ADGRG7: variants seen among roughly 807,000 people sequenced by gnomAD.
ADGRG7 encodes adhesion G protein-coupled receptor G7.
ADGRG7 carries 82 observed loss-of-function variants against 88.6 expected under a neutral mutation model. The ratio of observed to expected loss-of-function variants is 0.93; its 90% CI spans 0.77 to 1.11. ADGRG7 has a LOEUF of 1.11. ADGRG7 is among the 50% of genes most tolerant of loss of function. The pLI is 0.00. For missense variants in ADGRG7, 945 were observed against 953.4 expected, an observed-to-expected ratio of 0.99 and a Z score of 0.12; for synonymous variants, 381 against 345.2, an observed-to-expected ratio of 1.10 and a Z score of -1.15.
At position 100,634,319 on chromosome 3, in the gene ADGRG7, AT is replaced by A. The variant is rs907255864; in HGVS notation, c.447+944del. On this transcript the variant is annotated intron_variant, in intron 4 of 15. Transcript: ENST00000273352. ...ATAAAACTTCTGTGAGTTGAATGTT[AT>A]TCCCATATTATAAATAATTATAGCC... Among the ~76,000 whole-genome samples, 37 of 152,222 alleles carry A rather than the reference AT, an allele frequency of 2.4e-4. 2 individuals carry two copies. The highest frequency in any genetic ancestry group is 1.5e-5 in the Non-Finnish European group (1 of 68,042).
chr3:100,619,089 G>T (rs1707269319), intron 1 of ADGRG7, among the ~76,000 whole-genome samples: 1 of 152,118 alleles, frequency 6.6e-6, no homozygotes, highest in Non-Finnish European at 1.5e-5. Flanking sequence ...CTTTGGTGAA[G>T]TTGCCTGTCA....
rs568628872 is a variant in ADGRG7, at chr3:100,648,705, T to G, written c.1267-990T>G. Among the ~76,000 whole-genome samples the G allele has an allele frequency of 9.8e-4, 150 of 152,296 alleles. 1 individual carries two copies. The highest frequency in any genetic ancestry group is 3.3e-3 in the African/African-American group (138 of 41,576). On this transcript the variant is annotated intron_variant, in intron 10 of 15. Transcript: ENST00000273352. ...AGGTATGGTGTGGGGTAGCAGGCAG[T>G]ATAAAGGAACATATGCTTCTTTATT...
intron 15 of ADGRG7, among the ~76,000 whole-genome samples, chr3:100,690,649 C>T (rs2094991675): frequency 6.6e-6 from 1 of 152,164 alleles, no homozygotes; most frequent in African/African-American, 2.4e-5. Flanking sequence ...ACCCTGTTTG[C>T]CTGGGTATCA....
At chr3:100,689,264 T>C (rs1156356066) in intron 15 of ADGRG7, among the ~76,000 whole-genome samples, 1 of 152,216 alleles carries the variant, frequency 6.6e-6, no homozygotes, top group South Asian at 2.1e-4. Flanking sequence ...TTTGAGCCTA[T>C]GTGTGTCTCT....
intron 8 of ADGRG7, among the ~76,000 whole-genome samples, chr3:100,644,733 A>G (rs1194677664): frequency 6.6e-6 from 1 of 151,902 alleles, no homozygotes; most frequent in South Asian, 2.1e-4. Context: ...ATCTCGCTAT[A>G]TTGCTCAGCC....
intron 11 of ADGRG7, among the ~76,000 whole-genome samples, chr3:100,651,244 T>C (rs1407050233): frequency 6.6e-6 from 1 of 151,978 alleles, no homozygotes; most frequent in Non-Finnish European, 1.5e-5. Flanking sequence ...AGGCAGACAT[T>C]ATAAAAATAT....
chr3:100,626,612 C>A (rs973688732), intron 1 of ADGRG7, among the ~76,000 whole-genome samples: 5 of 152,066 alleles, frequency 3.3e-5, no homozygotes, highest in Non-Finnish European at 7.3e-5. Context: ...TGGTGAAACC[C>A]CATCTCTACT....
chr3:100,646,039 T>C lies in ADGRG7; in HGVS notation c.1041T>C (p.Ile347=), dbSNP rs776297145. The C allele has an allele frequency of 5.9e-5, 96 of 1,613,946 alleles. 1 individual carries two copies. The South Asian group carries it at 9.3e-4, about 16-fold the overall frequency. ...CTAAATCGGATTTTAGTCAAAAAAT[T>C]ATCTCAAGCAAAACTGATGAAAATG... ...FTAKSDFSQK[I]ISSKTDENEQ... Residue 347 remains isoleucine, a synonymous_variant, in exon 9 of 16, where the codon ATT becomes ATC. Coordinates refer to ENST00000273352, the MANE Select transcript of ADGRG7 (RefSeq NM_032787.3).
chr3:100,686,160 G>A (rs1219983831), intron 15 of ADGRG7, among the ~76,000 whole-genome samples: 1 of 151,764 alleles, frequency 6.6e-6, no homozygotes, highest in African/African-American at 2.4e-5. Context: ...TTTTTTGGCT[G>A]CATAAATGTC....
intron 15 of ADGRG7, 81 bp downstream of exon 15, chr3:100,669,186 A>G (rs550842698): frequency 1.7e-6 from 2 of 1,206,682 alleles, no homozygotes; most frequent in East Asian, 2.8e-5. Context: ...CCTTTAAGAG[A>G]CTATTTTAAA....
rs116232896 is a variant in ADGRG7 at position 100,655,922 on chromosome 3, A to G, written c.1750A>G (p.Ile584Val). The change falls in exon 13 of 16, where the codon ATA becomes GTA. Residue 584 changes from isoleucine (I) to valine (V), a missense_variant. Transcript: ENST00000273352. ...GWGVPAIVVAITVGVIYSQNG... is the reference protein window; with the variant it reads ...GWGVPAIVVAVTVGVIYSQNG... ...AGGAGTCCCAGCTATAGTAGTGGCT[A>G]TAACAGTGGGAGTTATTTATTCTCA... 2.5e-6 allele frequency: 4 copies of G among 1,603,774 alleles called. No individual in the cohort carries two copies. The highest frequency in any genetic ancestry group is 2.2e-5 in the East Asian group (1 of 44,750).
At chr3:100,621,987 C>T (rs1458053991) in intron 1 of ADGRG7, among the ~76,000 whole-genome samples, 1 of 152,150 alleles carries the variant, frequency 6.6e-6, no homozygotes, top group African/African-American at 2.4e-5. Flanking sequence ...TCATAACGAG[C>T]GTGCAACCTA....
intron 1 of ADGRG7, among the ~76,000 whole-genome samples, chr3:100,623,945 T>G (rs113155522): frequency 0.044 from 6,653 of 152,296 alleles, 205 homozygotes; most frequent in South Asian, 0.073. Flanking sequence ...TTATCCAGTC[T>G]ATCATTGATG....
intron 1 of ADGRG7, among the ~76,000 whole-genome samples, chr3:100,625,888 C>A (rs902115401): frequency 6.6e-6 from 1 of 152,166 alleles, no homozygotes; most frequent in Non-Finnish European, 1.5e-5. Context: ...CCAACTTGAT[C>A]GTGGTGGATA....
At chr3:100,694,705 C>A in intron 15 of ADGRG7, 39 bp from the exon 16 acceptor site, 2 of 1,591,192 alleles carry the variant, frequency 1.3e-6, no homozygotes, top group East Asian at 4.5e-5. Flanking sequence ...TACTGTATCT[C>A]AGCACTTACC....
chr3:100,612,855 G>C (rs564166370), intron 1 of ADGRG7, among the ~76,000 whole-genome samples: 1 of 152,118 alleles, frequency 6.6e-6, no homozygotes, highest in South Asian at 2.1e-4. Context: ...CAAACCCCAA[G>C]GTCTGACTTC....
intron 15 of ADGRG7, among the ~76,000 whole-genome samples, chr3:100,690,871 G>A (rs1171662969): frequency 6.6e-6 from 1 of 152,196 alleles, no homozygotes; most frequent in Non-Finnish European, 1.5e-5. Context: ...TGTGTGCTGG[G>A]AGAACCACTA....
chr3:100,645,328 C>T (rs1047936369), intron 8 of ADGRG7, among the ~76,000 whole-genome samples: 1 of 152,146 alleles, frequency 6.6e-6, no homozygotes, highest in Admixed American at 6.6e-5. Flanking sequence ...GAAGATGTTT[C>T]ACAGTAGACT....
intron 15 of ADGRG7, among the ~76,000 whole-genome samples, chr3:100,679,749 A>C (rs1161132291): frequency 2.0e-5 from 3 of 152,310 alleles, no homozygotes; most frequent in Non-Finnish European, 4.4e-5. Context: ...GGATTGGGAC[A>C]CATCTTCTTT....
Sources: allele counts gnomAD v4.1 joint callset (sites outside exome capture counted in the v4.1 genomes callset), GRCh38; gene constraint gnomAD v4.1.1; transcripts MANE v1.5; gene names NCBI Gene and HGNC (gene_info 2026-07-23, HGNC 2026-07-21).